The following GSTA1 variants were observed in gnomAD, a reference collection of about 807,000 sequenced individuals.
The protein encoded by GSTA1 is glutathione S-transferase alpha 1.
Under a neutral mutation model 21.5 loss-of-function variants are expected in GSTA1, and 23 were observed. That is an observed-to-expected ratio of 1.07 (90% CI 0.77 to 1.52). The LOEUF (loss-of-function observed/expected upper bound fraction) is 1.52, where lower values mean the gene tolerates loss of function less well. Ranked by LOEUF, GSTA1 falls within the 40% of genes most tolerant of loss-of-function variation. The probability of loss-of-function intolerance (pLI) is 0.00; values close to 1 mark genes in which losing one functional copy is unlikely to be tolerated. For synonymous variants in GSTA1, 125 were observed against 90.0 expected, an observed-to-expected ratio of 1.39 and a Z score of -2.20; for missense variants, 301 against 264.2, an observed-to-expected ratio of 1.14 and a Z score of -0.96.
At chr6:52,792,069 A>G in intron 6 of GSTA1, 89 bp from the exon 7 acceptor site, 2 of 1,561,032 alleles carry the variant, frequency 1.3e-6, no homozygotes, top group Non-Finnish European at 8.7e-7. Flanking sequence ...CCTCCTGCAA[A>G]GACCAAGTGA....
At chr6:52,801,009 G>A (rs1347077963) in intron 1 of GSTA1, among the ~76,000 whole-genome samples, 5 of 152,124 alleles carry the variant, frequency 3.3e-5, no homozygotes, top group Admixed American at 6.5e-5. Flanking sequence ...AGCCTCCTGA[G>A]TAGCTGGGAT....
chr6:52,791,841 C>T lies in GSTA1; in HGVS notation c.*17G>A. ...GAACATTGGTATTGCAAGTTCTTGGCCTCCATGACTGCGTTATTAAAACCT... is the reference window on the plus strand; with the variant it reads ...GAACATTGGTATTGCAAGTTCTTGGTCTCCATGACTGCGTTATTAAAACCT... On this transcript the variant is annotated 3_prime_UTR_variant, in exon 7 of 7. Coordinates refer to ENST00000334575, the MANE Select transcript of GSTA1 (RefSeq NM_145740.5). The T allele has an allele frequency of 1.2e-6, 2 of 1,613,752 alleles. No homozygotes were observed. Among genetic ancestry groups the T allele is most frequent in the Non-Finnish European group, 1.7e-6 (2 of 1,179,848 alleles).
At position 52,797,743 on chromosome 6, in the gene GSTA1, A is replaced by G. The variant is rs1384026964; in HGVS notation, c.88-106T>C. The G allele has an allele frequency of 2.3e-5, 24 of 1,022,480 alleles. No homozygotes were observed. In the Admixed American group the frequency reaches 4.5e-4, roughly 19 times the overall value. 63.3% of individuals were successfully genotyped at this position (1,022,480 alleles called of 1,614,324 possible). A position where few individuals can be genotyped will look rare whatever the true frequency, so the allele number is the denominator to read the frequency against. On this transcript the variant is annotated intron_variant, in intron 2 of 6. Coordinates refer to ENST00000334575, the MANE Select transcript of GSTA1 (RefSeq NM_145740.5). ...TCATTTGGAGAATACAAGATTTCTG[A>G]GTTTGGCAGGGTACACAGAGGGGGC...
intron 1 of GSTA1, among the ~76,000 whole-genome samples, chr6:52,800,459 G>A (rs997292514): frequency 5.9e-5 from 9 of 152,214 alleles, no homozygotes; most frequent in African/African-American, 1.7e-4. Flanking sequence ...ATGTTGAAAG[G>A]TAAGTAATGT....
At chr6:52,801,014 T>G (rs1219668450) in intron 1 of GSTA1, among the ~76,000 whole-genome samples, 4 of 152,144 alleles carry the variant, frequency 2.6e-5, no homozygotes, top group African/African-American at 9.7e-5. Context: ...CCTGAGTAGC[T>G]GGGATTACAG....
chr6:52,800,064 G>A (rs1561915062), intron 1 of GSTA1, among the ~76,000 whole-genome samples: 1 of 152,148 alleles, frequency 6.6e-6, no homozygotes, highest in Non-Finnish European at 1.5e-5. Flanking sequence ...CTAACTCTAT[G>A]GGGTGCATTT....
At chr6:52,801,629 A>G (rs904506538) in intron 1 of GSTA1, among the ~76,000 whole-genome samples, 3 of 152,236 alleles carry the variant, frequency 2.0e-5, no homozygotes, top group African/African-American at 7.2e-5. Context: ...CACTTTCTCA[A>G]TGTGAGGTTT....
chr6:52,800,552 T>C (rs57413102), intron 1 of GSTA1, among the ~76,000 whole-genome samples: 2,697 of 152,330 alleles, frequency 0.018, 93 homozygotes, highest in African/African-American at 0.061. Context: ...TCATTGTAAA[T>C]GGTTAGAGAG....
intron 5 of GSTA1, among the ~76,000 whole-genome samples, chr6:52,793,263 G>A (rs779483116): frequency 6.6e-6 from 1 of 151,922 alleles, no homozygotes; most frequent in Admixed American, 6.6e-5. Context: ...CTTCCACATG[G>A]GCCAGGGGCT....
chr6:52,802,268 GTTACAT>G (rs1287956487), intron 1 of GSTA1, among the ~76,000 whole-genome samples: 1 of 152,134 alleles, frequency 6.6e-6, no homozygotes, highest in African/African-American at 2.4e-5. Context: ...AATTAAAGGA[GTTACAT>G]TTACATCTCT....
intron 1 of GSTA1, among the ~76,000 whole-genome samples, chr6:52,802,126 T>A (rs1763732765): frequency 6.6e-6 from 1 of 152,190 alleles, no homozygotes; most frequent in Non-Finnish European, 1.5e-5. Context: ...TGTGACTTTC[T>A]CTGATTTGAC....
chr6:52,791,689 C>A lies in GSTA1; in HGVS notation c.*169G>T. On this transcript the variant is annotated 3_prime_UTR_variant, in exon 7 of 7. Transcript: ENST00000334575. The stretch of plus-strand genomic sequence containing the variant: ...ACATCAGATCCTAATGAAAACAAAT[C>A]AATTTTAACTAAGTCAGCGAATAGG... 1.3e-6 allele frequency: 1 copy of A among 753,832 alleles called. No homozygotes were observed. The highest frequency in any genetic ancestry group is 2.1e-6 in the Non-Finnish European group (1 of 485,826). 46.7% of individuals were successfully genotyped at this position (753,832 alleles called of 1,614,324 possible). A position where few individuals can be genotyped will look rare whatever the true frequency, so the allele number is the denominator to read the frequency against.
intron 4 of GSTA1, among the ~76,000 whole-genome samples, chr6:52,795,471 G>T (rs1317108202): frequency 6.6e-6 from 1 of 151,994 alleles, no homozygotes; most frequent in African/African-American, 2.4e-5. Context: ...TCGATTATTT[G>T]GGGATATACC....
At chr6:52,795,335 C>T (rs1763551192) in intron 4 of GSTA1, among the ~76,000 whole-genome samples, 1 of 152,142 alleles carries the variant, frequency 6.6e-6, no homozygotes, top group Non-Finnish European at 1.5e-5. Flanking sequence ...CATTGCATGG[C>T]TAAGGCACAT....
intron 3 of GSTA1, among the ~76,000 whole-genome samples, chr6:52,796,519 GTGTGTGTGTGTATATA>G (rs1561912832): frequency 8.1e-5 from 1 of 12,388 alleles, no homozygotes; most frequent in African/African-American, 2.1e-4. Flanking sequence ...GTGTGTGTGT[GTGTGTGTGTGTATATA>G]TATATATATT....
At chr6:52,792,032 A>G (rs375274798) in intron 6 of GSTA1, 52 bp from the exon 7 acceptor site, 3 of 1,608,552 alleles carry the variant, frequency 1.9e-6, no homozygotes, top group East Asian at 2.2e-5. Context: ...TGACACCACC[A>G]TTAACATGAC....
rs558437388 is a variant in GSTA1 at position 52,802,371 on chromosome 6, G to A, written c.-31+1414C>T. ...TCCTTCCATTATGAGATTCATAAAT[G>A]CAGTAGGTTGTTTAATCTCTGAGCC... On this transcript the variant is annotated intron_variant, in intron 1 of 6. Coordinates refer to ENST00000334575, the MANE Select transcript of GSTA1 (RefSeq NM_145740.5). Among the ~76,000 whole-genome samples the A allele has an allele frequency of 1.4e-4, 21 of 152,300 alleles. No homozygotes were observed. In the Middle Eastern group the frequency reaches 0.017, roughly 123 times the overall value.
intron 4 of GSTA1, among the ~76,000 whole-genome samples, chr6:52,795,754 T>A (rs1410224458): frequency 6.6e-6 from 1 of 152,184 alleles, no homozygotes; most frequent in African/African-American, 2.4e-5. Flanking sequence ...CGGTCATCAT[T>A]CTTGGAATTA....
At chr6:52,796,648 A>G (rs1763598128) in intron 3 of GSTA1, among the ~76,000 whole-genome samples, 1 of 143,180 alleles carries the variant, frequency 7.0e-6, no homozygotes, top group African/African-American at 2.6e-5. Flanking sequence ...GGTTCAAGTG[A>G]CTCTCCTACC....
Sources: gnomAD v4.1 joint callset for allele counts (sites outside exome capture counted in the v4.1 genomes callset) on GRCh38, gnomAD v4.1.1 for gene constraint, MANE v1.5 for transcripts, NCBI Gene and HGNC (gene_info 2026-07-23, HGNC 2026-07-21) for gene names.